Variants in XKR4 observed in about 807,000 individuals in gnomAD.
XKR4 encodes XK-related protein 4.
XKR4 carries 12 observed loss-of-function variants against 53.9 expected under a neutral mutation model. The observed-to-expected ratio is 0.22, with a 90% CI of 0.14 to 0.36. The LOEUF is 0.36. Among genes scored for constraint, XKR4 ranks in the 10% least tolerant of loss-of-function variants. XKR4 has a pLI of 1.00. For synonymous variants in XKR4, 354 were observed against 362.4 expected (o/e 0.98, Z 0.26); for missense variants, 799 against 859.5 (o/e 0.93, Z 0.88).
intron 1 of XKR4, among the ~76,000 whole-genome samples, chr8:55,179,985 C>T (rs1817285140): frequency 6.6e-6 from 1 of 152,108 alleles, no homozygotes; most frequent in Non-Finnish European, 1.5e-5. Context: ...TCCTAGAAGA[C>T]CTTAATTATA....
intron 1 of XKR4, among the ~76,000 whole-genome samples, chr8:55,285,872 C>T (rs1484088657): frequency 1.3e-5 from 2 of 152,212 alleles, no homozygotes; most frequent in Admixed American, 6.5e-5. Context: ...TTGATGTCAA[C>T]CTATTACACC....
At chr8:55,385,240 T>C (rs1200606076) in intron 2 of XKR4, among the ~76,000 whole-genome samples, 1 of 152,164 alleles carries the variant, frequency 6.6e-6, no homozygotes, top group African/African-American at 2.4e-5. Flanking sequence ...TGTTTTCCCA[T>C]CACACCCCAC....
chr8:55,407,245 A>G (rs939753694), intron 2 of XKR4, among the ~76,000 whole-genome samples: 3 of 152,152 alleles, frequency 2.0e-5, no homozygotes, highest in African/African-American at 4.8e-5. Context: ...CATAGAGAGG[A>G]CTTAGGTTTT....
At chr8:55,457,632 T>C (rs1283343767) in intron 2 of XKR4, among the ~76,000 whole-genome samples, 4 of 152,188 alleles carry the variant, frequency 2.6e-5, no homozygotes, top group Non-Finnish European at 4.4e-5. Flanking sequence ...CAGCTTAGGC[T>C]TAATAAAACA....
chr8:55,245,036 A>C (rs1585963724), intron 1 of XKR4, among the ~76,000 whole-genome samples: 1 of 151,180 alleles, frequency 6.6e-6, no homozygotes, highest in Admixed American at 6.6e-5. Context: ...TGAGTAGCTG[A>C]GATTATAGGC....
chr8:55,273,294 A>C (rs1314417559), intron 1 of XKR4, among the ~76,000 whole-genome samples: 1 of 152,128 alleles, frequency 6.6e-6, no homozygotes, highest in African/African-American at 2.4e-5. Context: ...GATCTAACTT[A>C]ACTGACTCCA....
At chr8:55,192,916 G>T (rs1817462230) in intron 1 of XKR4, among the ~76,000 whole-genome samples, 1 of 152,170 alleles carries the variant, frequency 6.6e-6, no homozygotes, top group African/African-American at 2.4e-5. Flanking sequence ...ACTCCACTGA[G>T]TGAGGCTGTG....
At chr8:55,461,849 C>T (rs951405146) in intron 2 of XKR4, among the ~76,000 whole-genome samples, 4 of 152,054 alleles carry the variant, frequency 2.6e-5, no homozygotes, top group Non-Finnish European at 4.4e-5. Context: ...GTAACTGATG[C>T]GATCAACTGA....
At chr8:55,335,827 T>C (rs1224067152) in intron 1 of XKR4, among the ~76,000 whole-genome samples, 1 of 152,042 alleles carries the variant, frequency 6.6e-6, no homozygotes, top group Non-Finnish European at 1.5e-5. Context: ...TCTCAAAATG[T>C]TATACACCAT....
At chr8:55,167,194 G>C (rs934848641) in intron 1 of XKR4, among the ~76,000 whole-genome samples, 1 of 152,318 alleles carries the variant, frequency 6.6e-6, no homozygotes, top group Admixed American at 6.5e-5. Flanking sequence ...TTAATGTGAA[G>C]GGGAAGACTC....
At chr8:55,130,003 G>T (rs114850244) in intron 1 of XKR4, among the ~76,000 whole-genome samples, 3 of 152,248 alleles carry the variant, frequency 2.0e-5, no homozygotes, top group African/African-American at 7.2e-5. Context: ...TATCCGCGGA[G>T]GTGTGGGGTG....
chr8:55,307,387 C>A (rs1057499895), intron 1 of XKR4, among the ~76,000 whole-genome samples: 11 of 152,146 alleles, frequency 7.2e-5, no homozygotes, highest in African/African-American at 2.4e-4. Context: ...TGGCTCACAC[C>A]TGTAATAATC....
At chr8:55,514,969 AT>A (rs1360623469) in intron 2 of XKR4, among the ~76,000 whole-genome samples, 2 of 152,360 alleles carry the variant, frequency 1.3e-5, no homozygotes, top group East Asian at 1.9e-4. Context: ...ACTAAATTTT[AT>A]AATGGAATGG....
intron 1 of XKR4, among the ~76,000 whole-genome samples, chr8:55,149,762 A>C (rs1030749180): frequency 6.6e-6 from 1 of 152,196 alleles, no homozygotes; most frequent in Non-Finnish European, 1.5e-5. Context: ...TTGTTTGTTA[A>C]CTATTGCAGA....
chr8:55,331,104 C>A (rs183545234), intron 1 of XKR4, among the ~76,000 whole-genome samples: 1 of 152,146 alleles, frequency 6.6e-6, no homozygotes, highest in Non-Finnish European at 1.5e-5. Context: ...TGAAACTGTA[C>A]GCATGAAACC....
At chr8:55,184,504 A>C (rs1817351857) in intron 1 of XKR4, among the ~76,000 whole-genome samples, 1 of 152,172 alleles carries the variant, frequency 6.6e-6, no homozygotes, top group South Asian at 2.1e-4. Context: ...AATTTTACTT[A>C]CATCTTTCTG....
chr8:55,404,005 A>C (rs1276925166), intron 2 of XKR4, among the ~76,000 whole-genome samples: 1 of 152,120 alleles, frequency 6.6e-6, no homozygotes, highest in East Asian at 1.9e-4. Flanking sequence ...TATGACCTCA[A>C]CCTGCTATAG....
chr8:55,338,376 T>A (rs1172004582), intron 1 of XKR4, among the ~76,000 whole-genome samples: 1 of 152,110 alleles, frequency 6.6e-6, no homozygotes, highest in African/African-American at 2.4e-5. Context: ...TGGGTTGTGG[T>A]TCCAGGGCAC....
chr8:55,360,411 A>AGGG (rs1803884594), intron 2 of XKR4, among the ~76,000 whole-genome samples: 1 of 152,250 alleles, frequency 6.6e-6, no homozygotes, highest in Non-Finnish European at 1.5e-5. Flanking sequence ...GTGAGTTCTA[A>AGGG]GAACAGAGCT....
Sources: gnomAD v4.1 joint callset for allele counts (sites outside exome capture counted in the v4.1 genomes callset) on GRCh38, gnomAD v4.1.1 for gene constraint, MANE v1.5 for transcripts, NCBI Gene and HGNC (gene_info 2026-07-23, HGNC 2026-07-21) for gene names.